Variants in ATP8B4 observed in about 807,000 individuals in gnomAD.
ATP8B4 encodes ATPase phospholipid transporting 8B4 (putative), also known as probable phospholipid-transporting ATPase IM.
ATP8B4 carries 133 observed loss-of-function variants against 145.6 expected under a neutral mutation model. The ratio of observed to expected loss-of-function variants is 0.91; its 90% CI spans 0.79 to 1.05. ATP8B4 has a LOEUF of 1.05. Ranked by LOEUF, ATP8B4 falls within the 50% of genes least tolerant of loss-of-function variation. ATP8B4 has a pLI of 0.00. For synonymous variants in ATP8B4, 507 were observed against 492.9 expected, an observed-to-expected ratio of 1.03 and a Z score of -0.38; for missense variants, 1,458 against 1,425.2, an observed-to-expected ratio of 1.02 and a Z score of -0.37.
rs552314899 is a variant in ATP8B4 at position 49,907,716 on chromosome 15, A to G, written c.2142-6477T>C. Among the ~76,000 whole-genome samples the G allele has an allele frequency of 2.6e-5, 4 of 152,348 alleles. No individual in the cohort carries two copies. The East Asian group carries it at 7.7e-4, about 29-fold the overall frequency. ...AACCAAGCAAACAGAGGTTATTCCC[A>G]TATCAAAAGTTTCCCACTCAGCCTA... On this transcript the variant is annotated intron_variant, in intron 20 of 27. Transcript: ENST00000284509.
In ATP8B4 at chr15:49,979,607, C is replaced by A; in HGVS notation, c.1034+10G>T. 7.0e-7 allele frequency: 1 copy of A among 1,429,312 alleles called. No individual in the cohort carries two copies. The highest frequency in any genetic ancestry group is 9.4e-7 in the Non-Finnish European group (1 of 1,064,212). 88.5% of individuals were successfully genotyped at this position (1,429,312 alleles called of 1,614,324 possible). A position where few individuals can be genotyped will look rare whatever the true frequency, so the allele number is the denominator to read the frequency against. ...AAATTATTTCATTAAAATATAAACT[C>A]TCATCTTACCTCACATATAAGGAAA... On this transcript the variant is annotated intron_variant, in intron 12 of 27. Coordinates refer to ENST00000284509, the MANE Select transcript of ATP8B4 (RefSeq NM_024837.4).
At chr15:50,074,034 T>C (rs1160091391) in intron 3 of ATP8B4, 93 bp downstream of exon 3, 8 of 1,096,090 alleles carry the variant, frequency 7.3e-6, no homozygotes, top group African/African-American at 3.2e-5. Context: ...AAGAAAGTTT[T>C]TGGTGAAGTC....
chr15:50,134,405 C>G (rs1193566259), intron 1 of ATP8B4, among the ~76,000 whole-genome samples: 1 of 152,116 alleles, frequency 6.6e-6, no homozygotes, highest in Non-Finnish European at 1.5e-5. Flanking sequence ...GAAGAGAAAG[C>G]TCTTGAGCTA....
chr15:50,178,516 T>C (rs956045618), intron 1 of ATP8B4, among the ~76,000 whole-genome samples: 1 of 152,164 alleles, frequency 6.6e-6, no homozygotes, highest in African/African-American at 2.4e-5. Flanking sequence ...TTGTGAGAAT[T>C]TGTAAGATTA....
intron 6 of ATP8B4, among the ~76,000 whole-genome samples, chr15:50,028,558 C>CCAGAAGTGTT (rs1420234803): frequency 1.3e-5 from 2 of 152,150 alleles, no homozygotes; most frequent in Non-Finnish European, 2.9e-5. Flanking sequence ...GCTCACACAC[C>CCAGAAGTGTT]TTACCCAGAA....
intron 25 of ATP8B4, among the ~76,000 whole-genome samples, chr15:49,870,412 T>C (rs753816902): frequency 1.3e-5 from 2 of 152,204 alleles, no homozygotes; most frequent in Non-Finnish European, 2.9e-5. Flanking sequence ...ACTTTTGTAC[T>C]CTTTGAAATG....
At chr15:49,920,091 A>T (rs923377165) in intron 18 of ATP8B4, among the ~76,000 whole-genome samples, 155 bp downstream of exon 18, 2 of 152,196 alleles carry the variant, frequency 1.3e-5, no homozygotes, top group African/African-American at 4.8e-5. Context: ...TACATGGAAA[A>T]CTCAAAGCCA....
intron 1 of ATP8B4, among the ~76,000 whole-genome samples, chr15:50,163,936 G>A (rs77089321): frequency 0.084 from 12,738 of 152,152 alleles, 625 homozygotes; most frequent in African/African-American, 0.13. Flanking sequence ...GGAAAGTACT[G>A]CCTGGCTACT....
chr15:49,908,263 CAAGATGT>C (rs2038841636), intron 20 of ATP8B4, among the ~76,000 whole-genome samples: 2 of 152,184 alleles, frequency 1.3e-5, no homozygotes, highest in African/African-American at 2.4e-5. Context: ...AGTGGTCCTT[CAAGATGT>C]ACGACTAAAG....
At chr15:49,984,760 G>C (rs2046442565) in intron 10 of ATP8B4, among the ~76,000 whole-genome samples, 1 of 151,986 alleles carries the variant, frequency 6.6e-6, no homozygotes, top group African/African-American at 2.4e-5. Context: ...AAGCCTCCTA[G>C]GGCAGAAAGA....
At chr15:49,906,540 T>C (rs1186003365) in intron 20 of ATP8B4, among the ~76,000 whole-genome samples, 1 of 152,202 alleles carries the variant, frequency 6.6e-6, no homozygotes, top group Non-Finnish European at 1.5e-5. Context: ...AGAAACATAC[T>C]TTGCTTCAGG....
chr15:49,928,437 G>A (rs1238387569), intron 16 of ATP8B4, among the ~76,000 whole-genome samples: 4 of 152,046 alleles, frequency 2.6e-5, no homozygotes, highest in Non-Finnish European at 4.4e-5. Context: ...AGGTCTAGTT[G>A]AGCTCAAAGT....
At chr15:50,001,890 T>A (rs1237931662) in intron 8 of ATP8B4, among the ~76,000 whole-genome samples, 2 of 152,160 alleles carry the variant, frequency 1.3e-5, no homozygotes, top group African/African-American at 2.4e-5. Context: ...AAAACTTTTT[T>A]TAAAAAATCT....
At chr15:49,870,558 T>A (rs755689882) in intron 25 of ATP8B4, among the ~76,000 whole-genome samples, 1 of 152,190 alleles carries the variant, frequency 6.6e-6, no homozygotes, top group Non-Finnish European at 1.5e-5. Flanking sequence ...GGAAATTTCA[T>A]GGGGTTGTTA....
chr15:50,046,267 CTT>C (rs899398446), intron 4 of ATP8B4, among the ~76,000 whole-genome samples: 10 of 152,080 alleles, frequency 6.6e-5, no homozygotes, highest in African/African-American at 2.4e-4. Flanking sequence ...CTCTCTCTCT[CTT>C]TCTCTCTTTC....
chr15:50,167,746 C>G (rs954534305), intron 1 of ATP8B4, among the ~76,000 whole-genome samples: 1 of 152,110 alleles, frequency 6.6e-6, no homozygotes. Context: ...TGGCTTTAAG[C>G]AAGTTGGTTA....
In ATP8B4 at chr15:49,894,242, G is replaced by A. The variant is rs143682340; in HGVS notation, c.2697+3050C>T. Among the ~76,000 whole-genome samples the A allele has an allele frequency of 4.6e-5, 7 of 152,312 alleles. No individual in the cohort carries two copies. In the East Asian group the frequency reaches 1.3e-3, roughly 29 times the overall value. ...CATACCCAGGACATAAGGTCCAGGA[G>A]GCACCACGGCCTGACACAGAGCAAA... On this transcript the variant is annotated intron_variant, in intron 23 of 27. Transcript: ENST00000284509.
chr15:50,138,132 G>A (rs2044148164), intron 1 of ATP8B4, among the ~76,000 whole-genome samples: 1 of 152,110 alleles, frequency 6.6e-6, no homozygotes, highest in African/African-American at 2.4e-5. Flanking sequence ...GTAGATTGGT[G>A]CAATCTTTCC....
intron 27 of ATP8B4, among the ~76,000 whole-genome samples, chr15:49,861,332 C>T (rs1023857555): frequency 2.6e-5 from 4 of 151,506 alleles, no homozygotes; most frequent in South Asian, 2.1e-4. Flanking sequence ...CAAGGGACTC[C>T]GAATTTTTCC....
Sources: gnomAD v4.1 joint callset for allele counts (sites outside exome capture counted in the v4.1 genomes callset) on GRCh38, gnomAD v4.1.1 for gene constraint, MANE v1.5 for transcripts, NCBI Gene and HGNC (gene_info 2026-07-23, HGNC 2026-07-21) for gene names.